The following PCDHGA1 variants were observed in gnomAD, a reference collection of about 807,000 sequenced individuals.
The protein encoded by PCDHGA1 is protocadherin gamma subfamily A, 1, also known as protocadherin gamma-A1.
A neutral mutation model predicts 58.0 loss-of-function variants in PCDHGA1; 32 were observed. The ratio of observed to expected loss-of-function variants is 0.55; its 90% CI spans 0.42 to 0.74. The LOEUF is 0.74. Among genes scored for constraint, PCDHGA1 ranks in the 30% least tolerant of loss-of-function variants. The probability of loss-of-function intolerance (pLI) is 0.00; values close to 1 mark genes in which losing one functional copy is unlikely to be tolerated. For missense variants in PCDHGA1, 1,205 were observed against 1,182.3 expected (o/e 1.02, Z -0.28); for synonymous variants, 498 against 501.1 (o/e 0.99, Z 0.08).
intron 1 of PCDHGA1, chr5:141,372,658 G>A: frequency 1.9e-6 from 3 of 1,614,020 alleles, no homozygotes; most frequent in African/African-American, 1.3e-5. Context: ...TACAATCCGT[G>A]TGCTGCCTCA....
chr5:141,377,664 C>G (rs1042522537), intron 1 of PCDHGA1: 2 of 151,600 alleles, frequency 1.3e-5, no homozygotes, highest in African/African-American at 2.4e-5. Context: ...AAACGACAGA[C>G]GTTCATACAA....
chr5:141,403,925 G>A, intron 1 of PCDHGA1: 1 of 1,613,868 alleles, frequency 6.2e-7, no homozygotes, highest in South Asian at 1.1e-5. Flanking sequence ...TGAAGATGGT[G>A]GGGGATTGAA....
At chr5:141,415,445 A>G (rs1225407576) in intron 1 of PCDHGA1, 7 of 1,614,202 alleles carry the variant, frequency 4.3e-6, no homozygotes, top group South Asian at 1.1e-5. Flanking sequence ...CTGCAGACCT[A>G]TTCCCACGAG....
chr5:141,341,325 G>A, intron 1 of PCDHGA1: 1 of 1,614,254 alleles, frequency 6.2e-7, no homozygotes, highest in Non-Finnish European at 8.5e-7. Flanking sequence ...CAGGAGAGCT[G>A]TGAGAAAAAG....
At chr5:141,362,336 A>T in intron 1 of PCDHGA1, 1 of 1,614,052 alleles carries the variant, frequency 6.2e-7, no homozygotes, top group Non-Finnish European at 8.5e-7. Context: ...CTCAGCTCCA[A>T]GCCTGGACCT....
At chr5:141,385,066 C>G in intron 1 of PCDHGA1, 1 of 1,614,194 alleles carries the variant, frequency 6.2e-7, no homozygotes, top group Non-Finnish European at 8.5e-7. Context: ...GCACAAGTCA[C>G]GCCTGCTGCA....
At chr5:141,356,702 T>G in intron 1 of PCDHGA1, 1 of 1,614,034 alleles carries the variant, frequency 6.2e-7, no homozygotes, top group Non-Finnish European at 8.5e-7. Flanking sequence ...GGTGCACCTC[T>G]GTCCTCCTAT....
rs1442570663 is a variant in PCDHGA1, at chr5:141,438,613, TATATATATATATATATATATATACACAC to T, written c.2422-56192_2422-56165del. On this transcript the variant is annotated intron_variant, in intron 1 of 3. Transcript: ENST00000517417. Reference sequence around the variant, plus strand: ...ATACATATATATATATATATATATATATATATATATATATATATATATACACACACACACACACATATATGTATATATA... The same window carrying T: ...ATACATATATATATATATATATATATACACACACACATATATGTATATATA... Among the ~76,000 whole-genome samples, 243 of 36,492 alleles carry T rather than the reference TATATATATATATATATATATATACACAC, an allele frequency of 6.7e-3. 7 individuals are homozygous for T. The highest frequency in any genetic ancestry group is 0.033 in the East Asian group (37 of 1,124). The allele number at this position is 36,492 out of a possible 152,430, so 23.9% of individuals were successfully genotyped here.
chr5:141,428,007 A>G, intron 1 of PCDHGA1: 1 of 1,602,018 alleles, frequency 6.2e-7, no homozygotes, highest in Non-Finnish European at 8.5e-7. Flanking sequence ...ACTCTTCGAT[A>G]TAGTGCCACG....
chr5:141,404,879 G>C (rs770577946), intron 1 of PCDHGA1: 1 of 1,613,906 alleles, frequency 6.2e-7, no homozygotes, highest in Non-Finnish European at 8.5e-7. Flanking sequence ...ACAGAGCCTT[G>C]TGGTGGCTGT....
rs1326004540 is a variant in PCDHGA1 at position 141,477,117 on chromosome 5, C to T, written c.2422-17690C>T. Reference sequence around the variant, plus strand: ...GACAAGGGCGCCAATCCCGAAGGAGCACATTGCAAAGTGTTGGTGGAGGTT... The same window carrying T: ...GACAAGGGCGCCAATCCCGAAGGAGTACATTGCAAAGTGTTGGTGGAGGTT... On this transcript the variant is annotated intron_variant, in intron 1 of 3. Coordinates refer to ENST00000517417, the MANE Select transcript of PCDHGA1 (RefSeq NM_018912.3). The surrounding 1 kb of genome is among the most constrained non-coding windows in gnomAD (Gnocchi z 4.9). 1.2e-6 allele frequency: 2 copies of T among 1,614,246 alleles called. No homozygotes were observed. Among genetic ancestry groups the T allele is most frequent in the East Asian group, 4.5e-5 (2 of 44,886 alleles).
chr5:141,389,785 A>ACGCCGTCCGCCAGCGCCTTCTGGT (rs780757695), intron 1 of PCDHGA1: 1 of 1,613,332 alleles, frequency 6.2e-7, no homozygotes, highest in South Asian at 1.1e-5. Flanking sequence ...GGCGACAGGG[A>ACGCCGTCCGCCAGCGCCTTCTGGT]CGCCGTCCGC....
chr5:141,447,428 G>A (rs542079336), intron 1 of PCDHGA1, among the ~76,000 whole-genome samples: 4 of 152,182 alleles, frequency 2.6e-5, no homozygotes, highest in East Asian at 1.9e-4. Flanking sequence ...GTGAGCCACC[G>A]CACCCGGAGG....
chr5:141,333,868 T>A (rs1756490352), intron 1 of PCDHGA1: 2 of 152,134 alleles, frequency 1.3e-5, no homozygotes, highest in African/African-American at 4.8e-5. Flanking sequence ...ATACGTCTAT[T>A]TAAGTAATGT....
At chr5:141,383,733 A>T (rs770047743) in intron 1 of PCDHGA1, 2 of 1,613,886 alleles carry the variant, frequency 1.2e-6, no homozygotes, top group African/African-American at 2.7e-5. Context: ...GGGAAGTGAC[A>T]TATTCTTTTC....
intron 1 of PCDHGA1, among the ~76,000 whole-genome samples, chr5:141,449,840 T>C (rs1367482819): frequency 6.6e-6 from 1 of 151,692 alleles, no homozygotes; most frequent in Non-Finnish European, 1.5e-5. Context: ...TTTTATATAA[T>C]TAAATTTTAA....
chr5:141,344,966 T>C, intron 1 of PCDHGA1: 1 of 1,613,672 alleles, frequency 6.2e-7, no homozygotes, highest in Non-Finnish European at 8.5e-7. Flanking sequence ...ATTATGAGGA[T>C]GCCATGTTCT....
At chr5:141,398,328 C>G in intron 1 of PCDHGA1, 7 of 1,353,010 alleles carry the variant, frequency 5.2e-6, no homozygotes, top group Non-Finnish European at 7.2e-6. Context: ...GAAAACTGCG[C>G]GTCAGTTCGG....
In PCDHGA1 at chr5:141,509,341, G is replaced by C. The variant is rs552337350; in HGVS notation, c.2570-1606G>C. Among the ~76,000 whole-genome samples, 4 of 152,290 alleles carry C rather than the reference G, an allele frequency of 2.6e-5. No homozygotes were observed. The East Asian group carries it at 7.7e-4, about 29-fold the overall frequency. On this transcript the variant is annotated intron_variant, in intron 3 of 3. Transcript: ENST00000517417. ...GAAGCTCTACTGCCAGCTGGGCCTG[G>C]GCTGGCCTGGGCATCCCTGAGGTTT...
Sources: gnomAD v4.1 joint callset for allele counts (sites outside exome capture counted in the v4.1 genomes callset) on GRCh38, gnomAD v4.1.1 for gene constraint, Gnocchi (gnomAD v3.1) non-coding constraint, MANE v1.5 for transcripts, NCBI Gene and HGNC (gene_info 2026-07-23, HGNC 2026-07-21) for gene names.